The following GIPC2 variants were observed in gnomAD, a reference collection of about 807,000 sequenced individuals.
GIPC2 encodes the protein GIPC PDZ domain containing family member 2.
A neutral mutation model predicts 30.6 loss-of-function variants in GIPC2; 30 were observed. The observed-to-expected ratio is 0.98, with a 90% CI of 0.73 to 1.33. The LOEUF is 1.33. Ranked by LOEUF, GIPC2 falls within the 40% of genes most tolerant of loss-of-function variation. The probability of loss-of-function intolerance (pLI) is 0.00; values close to 1 mark genes in which losing one functional copy is unlikely to be tolerated. For missense variants in GIPC2, 414 were observed against 390.3 expected, an observed-to-expected ratio of 1.06 and a Z score of -0.51; for synonymous variants, 167 against 150.0, an observed-to-expected ratio of 1.11 and a Z score of -0.83.
intron 3 of GIPC2, among the ~76,000 whole-genome samples, chr1:78,098,169 C>G (rs74093214): frequency 0.03 from 4,637 of 152,146 alleles, 220 homozygotes; most frequent in African/African-American, 0.11. Context: ...GAGGGAGAAG[C>G]GTATTGTCAA....
chr1:78,045,064 TAAG>T (rs1271312298), upstream of GIPC2: 9 of 983,236 alleles, frequency 9.2e-6, no homozygotes, highest in Non-Finnish European at 1.1e-5. Flanking sequence ...GGACAAAATT[TAAG>T]AAGAATGAAA....
At chr1:78,067,909 C>T (rs1044160509) in intron 1 of GIPC2, among the ~76,000 whole-genome samples, 15 of 152,250 alleles carry the variant, frequency 9.9e-5, no homozygotes, top group South Asian at 6.2e-4. Flanking sequence ...GTAACTAACC[C>T]GGACTCTCTG....
At chr1:78,078,855 AAC>A (rs1321218763) in intron 1 of GIPC2, among the ~76,000 whole-genome samples, 4 of 151,312 alleles carry the variant, frequency 2.6e-5, no homozygotes, top group African/African-American at 4.8e-5. Flanking sequence ...AAAAAAAAAA[AAC>A]AACAAACCAA....
chr1:78,121,319 G>C (rs1327715324), intron 4 of GIPC2, among the ~76,000 whole-genome samples: 1 of 152,092 alleles, frequency 6.6e-6, no homozygotes. Flanking sequence ...CTGTGAGCTC[G>C]GGGGGGCAGG....
chr1:78,091,616 T>G (rs1662041318), intron 2 of GIPC2: 1 of 768,434 alleles, frequency 1.3e-6, no homozygotes, highest in African/African-American at 1.7e-5. Context: ...GTTCGTCGTG[T>G]CTGCCATCCC....
At chr1:78,104,515 A>G (rs1327351465) in intron 3 of GIPC2, among the ~76,000 whole-genome samples, 1 of 152,188 alleles carries the variant, frequency 6.6e-6, no homozygotes, top group Non-Finnish European at 1.5e-5. Flanking sequence ...AGGATAAACC[A>G]TGTAAGAGGC....
intron 1 of GIPC2, among the ~76,000 whole-genome samples, chr1:78,063,271 G>A (rs1047593151): frequency 5.3e-5 from 8 of 151,812 alleles, no homozygotes; most frequent in Non-Finnish European, 8.8e-5. Flanking sequence ...AGGCCGAGAC[G>A]GGCAGGGGTC....
intron 3 of GIPC2, among the ~76,000 whole-genome samples, chr1:78,114,271 C>G (rs1045881180): frequency 1.3e-5 from 2 of 152,178 alleles, no homozygotes; most frequent in African/African-American, 4.8e-5. Flanking sequence ...CCAAGAGAAG[C>G]CTTGTGCAGA....
At chr1:78,127,860 T>C (rs1483674587) in intron 5 of GIPC2, among the ~76,000 whole-genome samples, 2 of 152,132 alleles carry the variant, frequency 1.3e-5, no homozygotes, top group East Asian at 3.8e-4. Context: ...CAGCTATTTA[T>C]TTTATTTTAC....
At chr1:78,134,918 G>A (rs1662972239) in intron 5 of GIPC2, among the ~76,000 whole-genome samples, 1 of 152,166 alleles carries the variant, frequency 6.6e-6, no homozygotes, top group African/African-American at 2.4e-5. Flanking sequence ...GCTGGGGCAA[G>A]TCCTAAGTAC....
At chr1:78,063,966 A>G (rs556003019) in intron 1 of GIPC2, among the ~76,000 whole-genome samples, 8 of 152,142 alleles carry the variant, frequency 5.3e-5, no homozygotes, top group Non-Finnish European at 5.9e-5. Context: ...CATATTCAAC[A>G]TTTTAAAATA....
At position 78,118,247 on chromosome 1, in the gene GIPC2, CAAAA is replaced by C. The variant is rs71810685; in HGVS notation, c.608-1126_608-1123del. Among the ~76,000 whole-genome samples the C allele has an allele frequency of 3.7e-3, 128 of 34,230 alleles. 7 individuals are homozygous for C. Among genetic ancestry groups the C allele is most frequent in the African/African-American group, 0.014 (123 of 9,016 alleles). The allele number at this position is 34,230 out of a possible 152,430, so 22.5% of individuals were successfully genotyped here. ...CTGGCCTGAGTCTCCAGTTTCATTG[CAAAA>C]AAAAAAAAAAAAAAAAAAAGTGGAT... On this transcript the variant is annotated intron_variant, in intron 3 of 5. Transcript: ENST00000370759.
At chr1:78,049,244 C>T (rs1380466210) in intron 1 of GIPC2, among the ~76,000 whole-genome samples, 1 of 152,190 alleles carries the variant, frequency 6.6e-6, no homozygotes, top group Admixed American at 6.5e-5. Flanking sequence ...TGACTGAAAC[C>T]TCCACCTCCT....
upstream of GIPC2, chr1:78,045,940 G>A: frequency 3.7e-6 from 5 of 1,361,094 alleles, no homozygotes; most frequent in African/African-American, 1.5e-5. Context: ...CAGGGGTGGA[G>A]GTCGGGGCCC....
intron 3 of GIPC2, among the ~76,000 whole-genome samples, chr1:78,119,005 A>G (rs1461871599): frequency 7.9e-5 from 11 of 138,576 alleles, no homozygotes; most frequent in South Asian, 4.6e-4. Context: ...TTCTTTTTCT[A>G]TTGGTCCATT....
At chr1:78,052,949 G>A (rs1339488227) in intron 1 of GIPC2, among the ~76,000 whole-genome samples, 1 of 152,202 alleles carries the variant, frequency 6.6e-6, no homozygotes, top group Non-Finnish European at 1.5e-5. Flanking sequence ...CTGGCAAGTG[G>A]AACTGTTATC....
At chr1:78,101,830 A>G (rs1662255912) in intron 3 of GIPC2, among the ~76,000 whole-genome samples, 1 of 152,180 alleles carries the variant, frequency 6.6e-6, no homozygotes, top group South Asian at 2.1e-4. Context: ...AACCTTGCAG[A>G]GTTTGCCCTG....
rs1367515278 is a variant in GIPC2, at chr1:78,055,992, T to C, written c.240+9658T>C. 2.0e-5 allele frequency among the ~76,000 whole-genome samples: 3 copies of C among 152,198 alleles called. No homozygotes were observed. In the East Asian group the frequency reaches 5.8e-4, roughly 29 times the overall value. ...AAATCTCTCCCCTACTCTTTCCCTG[T>C]TAACTCCTACTTGTGCTGCAGGACT... On this transcript the variant is annotated intron_variant, in intron 1 of 5. Transcript: ENST00000370759.
chr1:78,077,131 G>A (rs1342712374), intron 1 of GIPC2, among the ~76,000 whole-genome samples: 1 of 152,132 alleles, frequency 6.6e-6, no homozygotes, highest in East Asian at 1.9e-4. Context: ...ACCACTAGCC[G>A]AATTTGGATA....
Sources: allele counts gnomAD v4.1 joint callset (sites outside exome capture counted in the v4.1 genomes callset), GRCh38; gene constraint gnomAD v4.1.1; transcripts MANE v1.5; gene names NCBI Gene and HGNC (gene_info 2026-07-23, HGNC 2026-07-21).